SEMA5A: variants seen among roughly 807,000 people sequenced by gnomAD.
SEMA5A encodes semaphorin-5A.
In SEMA5A, 55 loss-of-function variants were observed where a neutral mutation model predicts 135.5. The ratio of observed to expected loss-of-function variants is 0.41; its 90% CI spans 0.33 to 0.51. The LOEUF is 0.51. Among genes scored for constraint, SEMA5A ranks in the 20% least tolerant of loss-of-function variants. The probability of loss-of-function intolerance (pLI) is 0.37; values close to 1 mark genes in which losing one functional copy is unlikely to be tolerated. For synonymous variants in SEMA5A, 580 were observed against 546.5 expected (o/e 1.06, Z -0.85); for missense variants, 1,290 against 1,419.9 (o/e 0.91, Z 1.47).
chr5:9,439,919 C>G (rs1233394646), intron 1 of SEMA5A, among the ~76,000 whole-genome samples: 3 of 152,220 alleles, frequency 2.0e-5, no homozygotes, highest in Non-Finnish European at 4.4e-5. Flanking sequence ...CAGCAGGATT[C>G]AAGGGTGTCC....
chr5:9,518,581 G>T (rs923301994), intron 1 of SEMA5A, among the ~76,000 whole-genome samples: 9 of 152,132 alleles, frequency 5.9e-5, no homozygotes, highest in African/African-American at 1.9e-4. Flanking sequence ...ACCCAATTAT[G>T]CCAACCTACT....
intron 2 of SEMA5A, among the ~76,000 whole-genome samples, chr5:9,425,821 C>T (rs1757626245): frequency 6.6e-6 from 1 of 151,978 alleles, no homozygotes; most frequent in South Asian, 2.1e-4. Context: ...AAGAGGAATC[C>T]CTTGGGGACC....
intron 4 of SEMA5A, among the ~76,000 whole-genome samples, chr5:9,324,480 A>G (rs898387497): frequency 6.6e-6 from 1 of 152,102 alleles, no homozygotes; most frequent in Non-Finnish European, 1.5e-5. Flanking sequence ...CTATTCTCAA[A>G]TCTCTTTCCT....
rs1324301140 is a variant in SEMA5A at position 9,039,083 on chromosome 5, G to A, written c.*3814C>T. 1.3e-5 allele frequency: 2 copies of A among 152,182 alleles called. No homozygotes were observed. The highest frequency in any genetic ancestry group is 4.8e-5 in the African/African-American group (2 of 41,426). The allele number at this position is 152,182 out of a possible 1,614,324, so 9.4% of individuals were successfully genotyped here. A position where few individuals can be genotyped will look rare whatever the true frequency, so the allele number is the denominator to read the frequency against. On this transcript the variant is annotated 3_prime_UTR_variant, in exon 23 of 23. Transcript: ENST00000382496. ...CTAATTCTACCAGAGACTCCAGTGG[G>A]AACACTCAGCAAAATAGGCTTTGAC...
intron 16 of SEMA5A, among the ~76,000 whole-genome samples, chr5:9,080,118 T>C (rs1294258251): frequency 2.0e-5 from 3 of 152,168 alleles, no homozygotes; most frequent in Non-Finnish European, 2.9e-5. Flanking sequence ...TGCAGCACTG[T>C]TCACAATAGC....
At chr5:9,109,279 A>G (rs544281121) in intron 15 of SEMA5A, among the ~76,000 whole-genome samples, 130 of 152,050 alleles carry the variant, frequency 8.5e-4, no homozygotes, top group African/African-American at 2.9e-3. Context: ...TGACCTCGTG[A>G]TCCGCCCGCC....
chr5:9,298,369 C>T (rs771365410), intron 5 of SEMA5A, among the ~76,000 whole-genome samples: 4 of 152,158 alleles, frequency 2.6e-5, no homozygotes, highest in African/African-American at 7.2e-5. Context: ...CCCCTAGAGC[C>T]TTAGGGAAGA....
intron 5 of SEMA5A, among the ~76,000 whole-genome samples, chr5:9,286,640 T>C (rs1750809214): frequency 6.6e-6 from 1 of 152,286 alleles, no homozygotes; most frequent in East Asian, 1.9e-4. Flanking sequence ...GTCCAAATAA[T>C]ATGTTCCTTA....
rs116183783 is a variant in SEMA5A, at chr5:9,063,032, C to T, written c.2373G>A (p.Thr791=). 1.7e-3 allele frequency: 2,705 copies of T among 1,614,216 alleles called. 46 individuals are homozygous for T. The African/African-American group carries it at 0.032, about 19-fold the overall frequency. ...HTVNGAWSAW[T]SWSQCSRDCS... ...AGTCACGGCTGCACTGTGACCACGA[C>T]GTCCAGGCTGACCAAGCCCCGTTGA... The change falls in exon 18 of 23, where the codon ACG becomes ACA. Residue 791 remains threonine, a synonymous_variant. Coordinates refer to ENST00000382496, the MANE Select transcript of SEMA5A (RefSeq NM_003966.3).
intron 3 of SEMA5A, among the ~76,000 whole-genome samples, chr5:9,359,861 A>C (rs1405291753): frequency 6.6e-6 from 1 of 152,228 alleles, no homozygotes; most frequent in Non-Finnish European, 1.5e-5. Flanking sequence ...CCACTGGGGC[A>C]GAAGAGGGAG....
In SEMA5A at chr5:9,040,332, A is replaced by C. The variant is rs1466172982; in HGVS notation, c.*2565T>G. On this transcript the variant is annotated 3_prime_UTR_variant, in exon 23 of 23. Coordinates refer to ENST00000382496, the MANE Select transcript of SEMA5A (RefSeq NM_003966.3). ...AGGACTTCCAAACAGCCCAGGCCTAAGGAAGAGCGGCTTTATGAAGGAGTT... is the reference window on the plus strand; with the variant it reads ...AGGACTTCCAAACAGCCCAGGCCTACGGAAGAGCGGCTTTATGAAGGAGTT... The C allele has an allele frequency of 1.3e-5, 2 of 152,260 alleles. No homozygotes were observed. Among genetic ancestry groups the C allele is most frequent in the African/African-American group, 4.8e-5 (2 of 41,470 alleles). The allele number at this position is 152,260 out of a possible 1,614,324, so 9.4% of individuals were successfully genotyped here.
chr5:9,452,422 C>T (rs372227181), intron 1 of SEMA5A, among the ~76,000 whole-genome samples: 81 of 152,298 alleles, frequency 5.3e-4, no homozygotes, highest in African/African-American at 1.9e-3. Flanking sequence ...AACTGCTATC[C>T]AGTCACAGCC....
chr5:9,476,933 T>A (rs1031069828), intron 1 of SEMA5A, among the ~76,000 whole-genome samples: 6 of 148,996 alleles, frequency 4.0e-5, no homozygotes, highest in African/African-American at 9.8e-5. Flanking sequence ...AAAAAAAAAA[T>A]AGCCATGCAT....
chr5:9,265,376 CAT>C (rs532472818), intron 5 of SEMA5A: 25 of 455,170 alleles, frequency 5.5e-5, no homozygotes, highest in Non-Finnish European at 8.8e-6. Context: ...CCTACCAGAC[CAT>C]ATAATTTATC....
chr5:9,035,624 T>G lies in SEMA5A; in HGVS notation c.*7273A>C, dbSNP rs1271972699. 1.3e-5 allele frequency: 2 copies of G among 152,156 alleles called. No homozygotes were observed. Among genetic ancestry groups the G allele is most frequent in the African/African-American group, 4.8e-5 (2 of 41,436 alleles). The allele number at this position is 152,156 out of a possible 1,614,324, so 9.4% of individuals were successfully genotyped here. On this transcript the variant is annotated 3_prime_UTR_variant, in exon 23 of 23. Coordinates refer to ENST00000382496, the MANE Select transcript of SEMA5A (RefSeq NM_003966.3). ...GAAGCATTTACAACCAGTGAATTGA[T>G]GGACAGGAAAGATAAAAGTCATGAA...
chr5:9,539,716 T>C (rs757090730), intron 1 of SEMA5A, among the ~76,000 whole-genome samples: 1 of 152,226 alleles, frequency 6.6e-6, no homozygotes, highest in Non-Finnish European at 1.5e-5. Context: ...ATGTCGGTGC[T>C]CAGAAAGTTT....
intron 11 of SEMA5A, among the ~76,000 whole-genome samples, chr5:9,176,490 G>C (rs1489981551): frequency 6.6e-6 from 1 of 152,178 alleles, no homozygotes; most frequent in Non-Finnish European, 1.5e-5. Flanking sequence ...CAGTGCCTGG[G>C]GTCCAGGACC....
chr5:9,418,302 A>T (rs556911865), intron 2 of SEMA5A, among the ~76,000 whole-genome samples: 1 of 152,176 alleles, frequency 6.6e-6, no homozygotes, highest in East Asian at 1.9e-4. Context: ...AAAAGCACTG[A>T]TCCCATCATG....
chr5:9,154,732 G>C, intron 11 of SEMA5A, 37 bp from the exon 12 acceptor site: 1 of 1,579,406 alleles, frequency 6.3e-7, no homozygotes, highest in Non-Finnish European at 8.7e-7. Context: ...AACAAGGTCA[G>C]AGGGTCTCAC....
Sources: allele counts gnomAD v4.1 joint callset (sites outside exome capture counted in the v4.1 genomes callset), GRCh38; gene constraint gnomAD v4.1.1; transcripts MANE v1.5; gene names NCBI Gene and HGNC (gene_info 2026-07-23, HGNC 2026-07-21).